Variants in KLF12 observed in about 807,000 individuals in gnomAD.
KLF12 encodes Krueppel-like factor 12.
Under a neutral mutation model 37.8 loss-of-function variants are expected in KLF12, and 9 were observed. The ratio of observed to expected loss-of-function variants is 0.24; its 90% CI spans 0.14 to 0.42. The LOEUF is 0.42. Among genes scored for constraint, KLF12 ranks in the 10% least tolerant of loss-of-function variants. The pLI is 1.00. For synonymous variants in KLF12, 208 were observed against 202.1 expected, an observed-to-expected ratio of 1.03 and a Z score of -0.25; for missense variants, 411 against 516.0, an observed-to-expected ratio of 0.80 and a Z score of 1.97.
chr13:74,038,737 A>C (rs959027243), intron 1 of KLF12, among the ~76,000 whole-genome samples: 1 of 152,206 alleles, frequency 6.6e-6, no homozygotes, highest in South Asian at 2.1e-4. Context: ...TGTTCAGTTA[A>C]AGTAAGTTGA....
rs560912130 is a variant in KLF12 at position 73,817,120 on chromosome 13, C to A, written c.671-3833G>T. Among the ~76,000 whole-genome samples, 11 of 151,740 alleles carry A rather than the reference C, an allele frequency of 7.2e-5. No homozygotes were observed. In the East Asian group the frequency reaches 2.1e-3, roughly 29 times the overall value. On this transcript the variant is annotated intron_variant, in intron 4 of 7. Transcript: ENST00000377669. ...CTGCTTGAGCCCAGGAGTTTGAGAC[C>A]AGCCCAGACAACGTAGTGAGACCCA...
At position 73,845,804 on chromosome 13, in the gene KLF12, C is replaced by A. The variant is rs760711048; in HGVS notation, c.670+23G>T. ...AGTCACCTCTAGTGCTGAAATAAAT[C>A]AAGGCTTGTTTATGTCTCTTACCTT... On this transcript the variant is annotated intron_variant, in intron 4 of 7. Coordinates refer to ENST00000377669, the MANE Select transcript of KLF12 (RefSeq NM_007249.5). The A allele has an allele frequency of 1.9e-6, 3 of 1,595,164 alleles. No homozygotes were observed. In the South Asian group the frequency reaches 3.4e-5, roughly 18 times the overall value.
chr13:73,768,813 G>T (rs1222857795), intron 5 of KLF12, among the ~76,000 whole-genome samples: 2 of 152,134 alleles, frequency 1.3e-5, no homozygotes, highest in Non-Finnish European at 2.9e-5. Context: ...GGGTCACGTA[G>T]GTAGTAAAGA....
the KLF12 span, among the ~76,000 whole-genome samples, chr13:74,248,987 T>C: frequency 6.6e-6 from 1 of 151,950 alleles, no homozygotes; most frequent in African/African-American, 2.4e-5. Context: ...GATAGAGGTG[T>C]GGTTCTAGAG....
the KLF12 span, among the ~76,000 whole-genome samples, chr13:74,144,197 G>A: frequency 3.3e-5 from 5 of 152,280 alleles, no homozygotes; most frequent in Admixed American, 6.5e-5. Flanking sequence ...AATGAGGAAC[G>A]TGAGGCATCT....
Position 73,946,814 on chromosome 13 carries a change from G to A in KLF12, c.34-2744C>T, listed in dbSNP as rs538876170. ...GAAGCATATTCAACTCTGCATTCAC[G>A]GATCTAACCTCAATCCTCATAAACA... On this transcript the variant is annotated intron_variant, in intron 2 of 7. Coordinates refer to ENST00000377669, the MANE Select transcript of KLF12 (RefSeq NM_007249.5). Among the ~76,000 whole-genome samples, 6 of 152,188 alleles carry A rather than the reference G, an allele frequency of 3.9e-5. No individual in the cohort carries two copies. In the South Asian group the frequency reaches 8.3e-4, roughly 21 times the overall value.
intron 2 of KLF12, among the ~76,000 whole-genome samples, chr13:73,980,936 G>A (rs1202263998): frequency 2.0e-5 from 3 of 152,138 alleles, no homozygotes; most frequent in South Asian, 2.1e-4. Flanking sequence ...AAGACAGGAG[G>A]ATCACTTGAG....
At chr13:74,286,413 A>G in the KLF12 span, among the ~76,000 whole-genome samples, 11 of 152,220 alleles carry the variant, frequency 7.2e-5, no homozygotes, top group Non-Finnish European at 5.9e-5. Context: ...CAAAATATTG[A>G]GCTTCCAGGA....
At chr13:74,186,560 A>C in the KLF12 span, among the ~76,000 whole-genome samples, 1 of 152,264 alleles carries the variant, frequency 6.6e-6, no homozygotes, top group South Asian at 2.1e-4. Context: ...AGGTTTAGAG[A>C]CACATCATCT....
chr13:74,033,343 A>C (rs1893163600), intron 1 of KLF12, among the ~76,000 whole-genome samples: 2 of 152,202 alleles, frequency 1.3e-5, no homozygotes. Flanking sequence ...TCTGAAGCTG[A>C]TCCTTAAAAC....
chr13:74,111,510 T>A (rs1048252873), intron 1 of KLF12, among the ~76,000 whole-genome samples: 1 of 152,194 alleles, frequency 6.6e-6, no homozygotes, highest in Non-Finnish European at 1.5e-5. Flanking sequence ...AATTCTAATG[T>A]AACCTGCTGA....
chr13:74,154,756 C>T, the KLF12 span, among the ~76,000 whole-genome samples: 25 of 152,288 alleles, frequency 1.6e-4, no homozygotes, highest in Non-Finnish European at 2.5e-4. Context: ...TGATGGGTAC[C>T]GGCCAGTCTT....
intron 5 of KLF12, among the ~76,000 whole-genome samples, chr13:73,799,910 T>G (rs1882196063): frequency 6.6e-6 from 1 of 152,280 alleles, no homozygotes; most frequent in Middle Eastern, 3.4e-3. Context: ...CGCAACACTT[T>G]CTGCTGAAAG....
At chr13:73,842,378 A>G (rs1454157309) in intron 4 of KLF12, among the ~76,000 whole-genome samples, 1 of 152,168 alleles carries the variant, frequency 6.6e-6, no homozygotes, top group African/African-American at 2.4e-5. Flanking sequence ...TGTTTCTATG[A>G]TTATTTCGTG....
At chr13:74,007,289 T>A (rs868804247) in intron 1 of KLF12, among the ~76,000 whole-genome samples, 29 of 140,716 alleles carry the variant, frequency 2.1e-4, no homozygotes, top group South Asian at 4.3e-4. Flanking sequence ...TTTTATTTTT[T>A]TTTTTTGAGA....
intron 2 of KLF12, among the ~76,000 whole-genome samples, chr13:73,986,724 A>C (rs1429630034): frequency 6.6e-6 from 1 of 152,198 alleles, no homozygotes; most frequent in East Asian, 1.9e-4. Context: ...GGGAGGTAGA[A>C]GGGGAGAACC....
In KLF12 at chr13:73,686,872, C is replaced by T. The variant is rs888073179; in HGVS notation, c.*8618G>A. ...CAATCACCACGTATAATGAGCTAAA[C>T]GTCAAGGAAAAGAAAAAAGATGCCT... On this transcript the variant is annotated 3_prime_UTR_variant, in exon 8 of 8. Coordinates refer to ENST00000377669, the MANE Select transcript of KLF12 (RefSeq NM_007249.5). The T allele has an allele frequency of 2.0e-5, 3 of 152,054 alleles. No homozygotes were observed. The highest frequency in any genetic ancestry group is 4.8e-5 in the African/African-American group (2 of 41,376). 9.4% of individuals were successfully genotyped at this position (152,054 alleles called of 1,614,324 possible). A position where few individuals can be genotyped will look rare whatever the true frequency, so the allele number is the denominator to read the frequency against.
the KLF12 span, among the ~76,000 whole-genome samples, chr13:74,264,043 G>A: frequency 1.3e-5 from 2 of 152,130 alleles, no homozygotes; most frequent in African/African-American, 4.8e-5. Flanking sequence ...TGGCATAACT[G>A]GGGTTAAAAG....
At chr13:74,121,691 C>T (rs1255109710) in intron 1 of KLF12, among the ~76,000 whole-genome samples, 1 of 151,884 alleles carries the variant, frequency 6.6e-6, no homozygotes, top group Non-Finnish European at 1.5e-5. Context: ...CAATTAAAAT[C>T]ACAACAGGGT....
Sources: gnomAD v4.1 joint callset for allele counts (sites outside exome capture counted in the v4.1 genomes callset) on GRCh38, gnomAD v4.1.1 for gene constraint, MANE v1.5 for transcripts, NCBI Gene and HGNC (gene_info 2026-07-23, HGNC 2026-07-21) for gene names.